Variants in HSD17B12 observed in about 807,000 individuals in gnomAD.
HSD17B12 encodes the protein very-long-chain 3-oxoacyl-CoA reductase.
A neutral mutation model predicts 39.3 loss-of-function variants in HSD17B12; 32 were observed. The observed-to-expected ratio is 0.81, with a 90% confidence interval of 0.61 to 1.09. The LOEUF is 1.09. HSD17B12 is among the 50% of genes least tolerant of loss of function. The probability of loss-of-function intolerance (pLI) is 0.00; values close to 1 mark genes in which losing one functional copy is unlikely to be tolerated. For synonymous variants in HSD17B12, 150 were observed against 146.7 expected, an observed-to-expected ratio of 1.02 and a Z score of -0.16; for missense variants, 342 against 382.9, an observed-to-expected ratio of 0.89 and a Z score of 0.89.
chr11:43,657,171 C>A, the HSD17B12 span, among the ~76,000 whole-genome samples: 3 of 152,114 alleles, frequency 2.0e-5, no homozygotes, highest in Non-Finnish European at 4.4e-5. Context: ...TTCTTTGTCT[C>A]TTTTGATCTT....
chr11:43,802,882 T>C (rs1234564315), intron 4 of HSD17B12, among the ~76,000 whole-genome samples: 1 of 152,200 alleles, frequency 6.6e-6, no homozygotes, highest in African/African-American at 2.4e-5. Flanking sequence ...GATTTTGATT[T>C]CTAGTTGGTT....
chr11:43,649,018 A>T, the HSD17B12 span, among the ~76,000 whole-genome samples: 1 of 152,006 alleles, frequency 6.6e-6, no homozygotes, highest in Admixed American at 6.6e-5. Flanking sequence ...AGGCGTGAGC[A>T]CCCGACCTGA....
chr11:43,635,576 GA>G, the HSD17B12 span, among the ~76,000 whole-genome samples: 2 of 152,222 alleles, frequency 1.3e-5, no homozygotes, highest in African/African-American at 2.4e-5. Flanking sequence ...CCAGGGGTTG[GA>G]GGAGAGCACC....
intron 6 of HSD17B12, among the ~76,000 whole-genome samples, chr11:43,825,254 T>C (rs181346001): frequency 3.0e-4 from 46 of 152,342 alleles, no homozygotes; most frequent in South Asian, 6.2e-4. Context: ...TATTTTTTCC[T>C]TTTTATACCA....
intron 4 of HSD17B12, among the ~76,000 whole-genome samples, chr11:43,814,374 T>G (rs1951101586): frequency 6.6e-6 from 1 of 152,132 alleles, no homozygotes; most frequent in Admixed American, 6.6e-5. Context: ...AGGGTTGTTG[T>G]GATGATTAAG....
At chr11:43,734,113 C>A in intron 1 of HSD17B12, 1 of 1,248,716 alleles carries the variant, frequency 8.0e-7, no homozygotes, top group East Asian at 2.3e-5. Context: ...CGTGTGCTGC[C>A]GTCCATCACT....
intron 7 of HSD17B12, chr11:43,833,276 C>G (rs762791291): frequency 3.9e-5 from 6 of 152,142 alleles, no homozygotes; most frequent in Non-Finnish European, 7.3e-5. Flanking sequence ...AGGTAAGCTA[C>G]CTGCTGAAAC....
At chr11:43,781,101 G>A (rs370463003) in intron 3 of HSD17B12, among the ~76,000 whole-genome samples, 2 of 152,068 alleles carry the variant, frequency 1.3e-5, no homozygotes, top group African/African-American at 2.4e-5. Context: ...TCCCCCCAAC[G>A]CCTCCTCATA....
In HSD17B12 at chr11:43,758,535, C is replaced by G. The variant is rs551587796; in HGVS notation, c.283+4414C>G. Among the ~76,000 whole-genome samples the G allele has an allele frequency of 5.9e-5, 9 of 152,308 alleles. No homozygotes were observed. The East Asian group carries it at 1.7e-3, about 29-fold the overall frequency. ...TTCAACTTAAGTTGTAATTCTGCAA[C>G]TGGCACATTTAAATCTGATGTTAGC... On this transcript the variant is annotated intron_variant, in intron 3 of 10. Coordinates refer to ENST00000278353, the MANE Select transcript of HSD17B12 (RefSeq NM_016142.3).
intron 3 of HSD17B12, among the ~76,000 whole-genome samples, chr11:43,776,478 T>G (rs1590290057): frequency 6.6e-6 from 1 of 152,180 alleles, no homozygotes; most frequent in African/African-American, 2.4e-5. Context: ...TAAATTTGTT[T>G]GAGTTCATTG....
chr11:43,828,071 T>C (rs1951265149), intron 6 of HSD17B12, among the ~76,000 whole-genome samples: 1 of 152,030 alleles, frequency 6.6e-6, no homozygotes, highest in Admixed American at 6.6e-5. Flanking sequence ...GGAAACACTT[T>C]CCCTGCAAGG....
At chr11:43,728,530 C>T (rs1280808654) in intron 1 of HSD17B12, among the ~76,000 whole-genome samples, 1 of 151,426 alleles carries the variant, frequency 6.6e-6, no homozygotes. Flanking sequence ...AGGTAACTAC[C>T]ATCAACTTTT....
chr11:43,666,515 T>G, the HSD17B12 span, among the ~76,000 whole-genome samples: 4 of 152,178 alleles, frequency 2.6e-5, no homozygotes, highest in African/African-American at 9.7e-5. Context: ...ATTTTTTGTT[T>G]GTTTGTTTTG....
chr11:43,653,738 T>G, the HSD17B12 span, among the ~76,000 whole-genome samples: 6 of 152,318 alleles, frequency 3.9e-5, no homozygotes, highest in African/African-American at 1.4e-4. Flanking sequence ...ACTCATCATT[T>G]TTTATGGCTG....
chr11:43,680,595 T>G, upstream of HSD17B12: 20 of 511,944 alleles, frequency 3.9e-5, no homozygotes, highest in Middle Eastern at 5.2e-4. Context: ...ATGGGAGGAG[T>G]GTGGGAGGGG....
At chr11:43,763,610 C>T (rs1228224247) in intron 3 of HSD17B12, among the ~76,000 whole-genome samples, 1 of 131,378 alleles carries the variant, frequency 7.6e-6, no homozygotes, top group East Asian at 2.0e-4. Context: ...ATAAGGTTAT[C>T]TTATATATAT....
intron 6 of HSD17B12, among the ~76,000 whole-genome samples, chr11:43,820,044 G>A (rs1244135795): frequency 6.6e-6 from 1 of 152,178 alleles, no homozygotes; most frequent in Non-Finnish European, 1.5e-5. Context: ...AAGCAATGTA[G>A]TTAACATTGC....
chr11:43,709,332 G>A (rs1162654369), intron 1 of HSD17B12, among the ~76,000 whole-genome samples: 3 of 152,212 alleles, frequency 2.0e-5, no homozygotes, highest in Non-Finnish European at 4.4e-5. Flanking sequence ...TGCCATGTTG[G>A]CCAGGCTGGT....
At chr11:43,651,655 C>T in the HSD17B12 span, among the ~76,000 whole-genome samples, 2 of 152,254 alleles carry the variant, frequency 1.3e-5, no homozygotes, top group Non-Finnish European at 2.9e-5. Context: ...ATCTCGGCTC[C>T]CTGCAACCTC....
Sources: gnomAD v4.1 joint callset for allele counts (sites outside exome capture counted in the v4.1 genomes callset) on GRCh38, gnomAD v4.1.1 for gene constraint, MANE v1.5 for transcripts, NCBI Gene and HGNC (gene_info 2026-07-23, HGNC 2026-07-21) for gene names.